LRMDA: variants seen among roughly 807,000 people sequenced by gnomAD.
LRMDA encodes leucine rich melanocyte differentiation associated.
Under a neutral mutation model 29.8 loss-of-function variants are expected in LRMDA, and 18 were observed. The ratio of observed to expected loss-of-function variants is 0.60; its 90% CI spans 0.42 to 0.90. The LOEUF (loss-of-function observed/expected upper bound fraction) is 0.90, where lower values mean the gene tolerates loss of function less well. Ranked by LOEUF, LRMDA falls within the 40% of genes least tolerant of loss-of-function variation. The pLI is 0.00. For missense variants in LRMDA, 273 were observed against 273.9 expected, an observed-to-expected ratio of 1.00 and a Z score of 0.02; for synonymous variants, 125 against 109.4, an observed-to-expected ratio of 1.14 and a Z score of -0.89.
intron 5 of LRMDA, among the ~76,000 whole-genome samples, chr10:76,258,583 T>C (rs1455913483): frequency 2.0e-5 from 3 of 152,174 alleles, no homozygotes; most frequent in African/African-American, 7.2e-5. Flanking sequence ...TAATTTTTCA[T>C]CCTTTAACAA....
At chr10:75,454,802 C>G (rs910828368) in intron 2 of LRMDA, among the ~76,000 whole-genome samples, 8 of 152,160 alleles carry the variant, frequency 5.3e-5, no homozygotes, top group African/African-American at 1.9e-4. Flanking sequence ...TCAGGCTGGG[C>G]TTTGGCAAGA....
At chr10:75,643,950 T>G (rs1044337282) in intron 2 of LRMDA, among the ~76,000 whole-genome samples, 4 of 152,204 alleles carry the variant, frequency 2.6e-5, no homozygotes, top group Non-Finnish European at 5.9e-5. Context: ...TTAGTGCAGC[T>G]TTATTTCTTG....
At chr10:76,192,801 G>A (rs1016647169) in intron 5 of LRMDA, among the ~76,000 whole-genome samples, 3 of 152,120 alleles carry the variant, frequency 2.0e-5, no homozygotes, top group South Asian at 2.1e-4. Flanking sequence ...AAGAATGGGC[G>A]TGCTCTCTCT....
At chr10:75,949,280 G>A (rs1846532622) in intron 2 of LRMDA, among the ~76,000 whole-genome samples, 1 of 152,240 alleles carries the variant, frequency 6.6e-6, no homozygotes. Flanking sequence ...TCTCTCCTGA[G>A]AATACATAAA....
At chr10:75,702,613 GA>G (rs532504068) in intron 2 of LRMDA, among the ~76,000 whole-genome samples, 1 of 151,972 alleles carries the variant, frequency 6.6e-6, no homozygotes, top group East Asian at 1.9e-4. Context: ...TTTGGAAAGG[GA>G]AAAAAACCCC....
chr10:75,445,242 T>C (rs1844378895), intron 2 of LRMDA, among the ~76,000 whole-genome samples: 1 of 152,214 alleles, frequency 6.6e-6, no homozygotes, highest in Non-Finnish European at 1.5e-5. Flanking sequence ...GCCCAGCCTG[T>C]ATCACAATTG....
intron 2 of LRMDA, among the ~76,000 whole-genome samples, chr10:75,468,222 TC>T (rs1455536344): frequency 2.6e-5 from 4 of 152,102 alleles, no homozygotes; most frequent in African/African-American, 9.7e-5. Flanking sequence ...GTTGTCGGTT[TC>T]CCCCATACAT....
At chr10:75,437,169 G>T (rs1026788462) in intron 1 of LRMDA, among the ~76,000 whole-genome samples, 1 of 152,176 alleles carries the variant, frequency 6.6e-6, no homozygotes, top group African/African-American at 2.4e-5. Flanking sequence ...GGGTGTCAGG[G>T]TTCAGTGCAG....
At chr10:76,306,403 C>T (rs1031821818) in intron 5 of LRMDA, among the ~76,000 whole-genome samples, 1 of 152,194 alleles carries the variant, frequency 6.6e-6, no homozygotes, top group Non-Finnish European at 1.5e-5. Context: ...AGAATCCTGC[C>T]TACTTTCTTT....
intron 2 of LRMDA, among the ~76,000 whole-genome samples, chr10:76,020,509 A>G (rs1847955903): frequency 6.6e-6 from 1 of 152,198 alleles, no homozygotes; most frequent in African/African-American, 2.4e-5. Flanking sequence ...CAGATTGGAA[A>G]TGGGGGGCTG....
intron 2 of LRMDA, among the ~76,000 whole-genome samples, chr10:75,630,415 G>A (rs1019249842): frequency 6.6e-6 from 1 of 152,220 alleles, no homozygotes; most frequent in African/African-American, 2.4e-5. Flanking sequence ...CCATCGTTGA[G>A]TTTCTGGCAA....
At chr10:76,249,130 T>G (rs1394388423) in intron 5 of LRMDA, among the ~76,000 whole-genome samples, 1 of 152,208 alleles carries the variant, frequency 6.6e-6, no homozygotes, top group African/African-American at 2.4e-5. Flanking sequence ...CAAGTTTCTT[T>G]TTCTTGAGAT....
intron 6 of LRMDA, among the ~76,000 whole-genome samples, chr10:76,530,270 C>G (rs909927467): frequency 6.6e-6 from 1 of 152,116 alleles, no homozygotes; most frequent in Non-Finnish European, 1.5e-5. Context: ...GAACAAACCA[C>G]AGGTTGTGAT....
intron 2 of LRMDA, among the ~76,000 whole-genome samples, chr10:75,805,238 G>C (rs1843831004): frequency 6.6e-6 from 1 of 152,158 alleles, no homozygotes; most frequent in Non-Finnish European, 1.5e-5. Context: ...GGCTTAGTGA[G>C]TTGGGGCTTG....
At chr10:75,610,865 A>C (rs965081060) in intron 2 of LRMDA, among the ~76,000 whole-genome samples, 3 of 152,214 alleles carry the variant, frequency 2.0e-5, no homozygotes, top group Non-Finnish European at 4.4e-5. Flanking sequence ...ACGTAGGCTA[A>C]ATTTTACCGC....
intron 2 of LRMDA, among the ~76,000 whole-genome samples, chr10:75,466,742 G>A (rs1844655303): frequency 1.3e-5 from 2 of 152,018 alleles, no homozygotes; most frequent in Admixed American, 1.3e-4. Context: ...AGTCCAGAAA[G>A]CCCTTTCGTC....
chr10:75,781,498 G>A (rs185247820), intron 2 of LRMDA, among the ~76,000 whole-genome samples: 7 of 152,290 alleles, frequency 4.6e-5, no homozygotes, highest in East Asian at 1.9e-4. Flanking sequence ...AGAGTATACC[G>A]TTTGTGGAGA....
chr10:75,949,227 G>A (rs936572216), intron 2 of LRMDA, among the ~76,000 whole-genome samples: 1 of 152,146 alleles, frequency 6.6e-6, no homozygotes, highest in African/African-American at 2.4e-5. Flanking sequence ...CTGGCCACTT[G>A]CAAAAAAGGT....
chr10:76,045,275 C>T (rs1235506170), intron 3 of LRMDA, among the ~76,000 whole-genome samples: 2 of 147,916 alleles, frequency 1.4e-5, no homozygotes, highest in Non-Finnish European at 3.0e-5. Flanking sequence ...CTAGTTTCCC[C>T]CTCTCTGGTT....
Sources: gnomAD v4.1 joint callset for allele counts (sites outside exome capture counted in the v4.1 genomes callset) on GRCh38, gnomAD v4.1.1 for gene constraint, MANE v1.5 for transcripts, NCBI Gene and HGNC (gene_info 2026-07-23, HGNC 2026-07-21) for gene names.